The following TMEM260 variants were observed in gnomAD, a reference collection of about 807,000 sequenced individuals.
The protein encoded by TMEM260 is transmembrane protein 260.
In TMEM260, 82 loss-of-function variants were observed where a neutral mutation model predicts 88.9. The observed-to-expected ratio is 0.92, with a 90% CI of 0.77 to 1.11. The LOEUF (loss-of-function observed/expected upper bound fraction) is 1.11, where lower values mean the gene tolerates loss of function less well. Ranked by LOEUF, TMEM260 falls within the 50% of genes least tolerant of loss-of-function variation. TMEM260 has a pLI of 0.00. For synonymous variants in TMEM260, 314 were observed against 309.3 expected (o/e 1.02, Z -0.16); for missense variants, 902 against 853.4 (o/e 1.06, Z -0.71).
Position 56,648,692 on chromosome 14 carries a change from G to C in TMEM260, c.*1195G>C, listed in dbSNP as rs1260605861. The C allele has an allele frequency of 6.6e-6, 1 of 152,624 alleles. No individual in the cohort carries two copies. The highest frequency in any genetic ancestry group is 1.5e-5 in the Non-Finnish European group (1 of 68,050). 9.5% of individuals were successfully genotyped at this position (152,624 alleles called of 1,614,324 possible). On this transcript the variant is annotated 3_prime_UTR_variant, in exon 16 of 16. Coordinates refer to ENST00000261556, the MANE Select transcript of TMEM260 (RefSeq NM_017799.4). ...CAAAGGTCTCCTGTGGAGCTTGCAT[G>C]GTTCCCTTTCATACTACGACCATAA...
rs74848235 is a variant in TMEM260 at position 56,629,939 on chromosome 14, G to C, written c.1548-3056G>C. Among the ~76,000 whole-genome samples the C allele has an allele frequency of 9.7e-3, 1,469 of 152,170 alleles. 47 individuals carry two copies. The East Asian group carries it at 0.099, about 10-fold the overall frequency. ...ACCTGTGGTCCCAACTACTTGGGCA[G>C]CTGAGGTGGGAAGATTGTTTGAATG... On this transcript the variant is annotated intron_variant, in intron 12 of 15. Transcript: ENST00000261556.
chr14:56,647,165 C>T, intron 15 of TMEM260, 78 bp from the exon 16 acceptor site: 20 of 1,459,160 alleles, frequency 1.4e-5, no homozygotes, highest in Admixed American at 2.4e-5. Flanking sequence ...GTTATTAATT[C>T]CTCTGTGTTT....
In TMEM260 at chr14:56,603,763, AAGTT is replaced by A. The variant is rs1198790693; in HGVS notation, c.345-47_345-44del. The A allele has an allele frequency of 1.5e-5, 24 of 1,605,064 alleles. No homozygotes were observed. The Admixed American group carries it at 1.7e-4, about 11-fold the overall frequency. On this transcript the variant is annotated intron_variant, in intron 3 of 15. Transcript: ENST00000261556. Reference sequence around the variant, plus strand: ...GGTACAGTTTACCAAAAGGAAAATAAAGTTAGTTCTTTTTGTTGGAAAAGAAGAT... The same window carrying A: ...GGTACAGTTTACCAAAAGGAAAATAAAGTTCTTTTTGTTGGAAAAGAAGAT...
intron 3 of TMEM260, among the ~76,000 whole-genome samples, chr14:56,596,612 A>G (rs970201480): frequency 1.3e-5 from 2 of 150,282 alleles, no homozygotes; most frequent in Admixed American, 6.6e-5. Flanking sequence ...AAAAATACAA[A>G]ATTAGCCAGG....
chr14:56,605,546 T>A (rs1307568979), intron 4 of TMEM260, 24 bp from the exon 5 acceptor site: 2 of 967,524 alleles, frequency 2.1e-6, no homozygotes, highest in African/African-American at 3.4e-5. Context: ...TTTTACTTAA[T>A]TTTTTTTTTT....
intron 1 of TMEM260, among the ~76,000 whole-genome samples, chr14:56,582,305 C>T (rs1268667810): frequency 6.6e-6 from 1 of 152,042 alleles, no homozygotes; most frequent in African/African-American, 2.4e-5. Context: ...TTTTTTGTAC[C>T]ACTTGACACA....
rs542316904 is a variant in TMEM260, at chr14:56,614,284, G to A, written c.858-1660G>A. Among the ~76,000 whole-genome samples, 273 of 151,340 alleles carry A rather than the reference G, an allele frequency of 1.8e-3. 2 individuals are homozygous for A. Among genetic ancestry groups the A allele is most frequent in the African/African-American group, 6.5e-3 (268 of 41,222 alleles). ...AGTTGCAGCTACTCAGGAGGCTGAGGTGAGAGGATCGCTTGAGCCCAGGAG... is the reference window on the plus strand; with the variant it reads ...AGTTGCAGCTACTCAGGAGGCTGAGATGAGAGGATCGCTTGAGCCCAGGAG... On this transcript the variant is annotated intron_variant, in intron 7 of 15. Coordinates refer to ENST00000261556, the MANE Select transcript of TMEM260 (RefSeq NM_017799.4).
In TMEM260 at chr14:56,614,486, A is replaced by G. The variant is rs373903101; in HGVS notation, c.858-1458A>G. Among the ~76,000 whole-genome samples the G allele has an allele frequency of 1.1e-3, 162 of 152,298 alleles. 1 individual carries two copies. Among genetic ancestry groups the G allele is most frequent in the African/African-American group, 3.0e-3 (124 of 41,564 alleles). On this transcript the variant is annotated intron_variant, in intron 7 of 15. Coordinates refer to ENST00000261556, the MANE Select transcript of TMEM260 (RefSeq NM_017799.4). Reference sequence around the variant, plus strand: ...AAGGACTCACTGCCTGCTCTTTTCTATCTACCTTCCAGAGATTGTTACAGC... The same window carrying G: ...AAGGACTCACTGCCTGCTCTTTTCTGTCTACCTTCCAGAGATTGTTACAGC...
chr14:56,638,803 G>A (rs1268645037), intron 15 of TMEM260, among the ~76,000 whole-genome samples: 1 of 151,982 alleles, frequency 6.6e-6, no homozygotes. Context: ...AGCAGGGCAG[G>A]GCGTAGGCAA....
intron 15 of TMEM260, among the ~76,000 whole-genome samples, chr14:56,643,996 G>C (rs1889784720): frequency 6.6e-6 from 1 of 152,012 alleles, no homozygotes; most frequent in Admixed American, 6.6e-5. Context: ...ACTGCTCAAG[G>C]AAATAAAAGA....
At chr14:56,643,244 G>A (rs1035108800) in intron 15 of TMEM260, among the ~76,000 whole-genome samples, 1 of 152,178 alleles carries the variant, frequency 6.6e-6, no homozygotes, top group Non-Finnish European at 1.5e-5. Flanking sequence ...GATGAACATT[G>A]ATGCAAAAAT....
At chr14:56,628,311 GGT>G (rs2139614345) in intron 12 of TMEM260, among the ~76,000 whole-genome samples, 1 of 152,222 alleles carries the variant, frequency 6.6e-6, no homozygotes, top group African/African-American at 2.4e-5. Flanking sequence ...TTATATTCTA[GGT>G]ACGCAACCTC....
intron 7 of TMEM260, chr14:56,613,586 G>A (rs989828903): frequency 7.3e-5 from 11 of 151,568 alleles, no homozygotes; most frequent in Admixed American, 7.2e-4. Context: ...TGTTTTATTA[G>A]CCTGCTGTTT....
At chr14:56,630,690 A>G (rs889767994) in intron 12 of TMEM260, among the ~76,000 whole-genome samples, 2 of 152,154 alleles carry the variant, frequency 1.3e-5, no homozygotes, top group Admixed American at 6.5e-5. Flanking sequence ...ATAGACATCT[A>G]TTGATTGTTT....
At chr14:56,628,956 C>T (rs1046763320) in intron 12 of TMEM260, among the ~76,000 whole-genome samples, 1 of 151,252 alleles carries the variant, frequency 6.6e-6, no homozygotes, top group Admixed American at 6.6e-5. Context: ...AGTACAGTGG[C>T]ACAATCTTGG....
intron 15 of TMEM260, among the ~76,000 whole-genome samples, chr14:56,645,960 T>C (rs1484857936): frequency 6.6e-6 from 1 of 152,248 alleles, no homozygotes; most frequent in Non-Finnish European, 1.5e-5. Context: ...TTTCTTTCTT[T>C]TTTATTTTTT....
chr14:56,642,920 G>A (rs755646352), intron 15 of TMEM260, among the ~76,000 whole-genome samples: 3 of 152,130 alleles, frequency 2.0e-5, no homozygotes, highest in African/African-American at 4.8e-5. Context: ...TAGAAGAAAT[G>A]GATAAATTCC....
chr14:56,654,126 C>T (rs1890258586), downstream of TMEM260, among the ~76,000 whole-genome samples: 1 of 152,202 alleles, frequency 6.6e-6, no homozygotes, highest in Admixed American at 6.5e-5. Context: ...TTCAACCCTC[C>T]AGAATGTAAT....
intron 3 of TMEM260, among the ~76,000 whole-genome samples, chr14:56,590,514 C>T (rs1050786452): frequency 6.6e-6 from 1 of 152,226 alleles, no homozygotes; most frequent in African/African-American, 2.4e-5. Context: ...TGAGGAAGAG[C>T]TCAATCTCCA....
Sources: allele counts gnomAD v4.1 joint callset (sites outside exome capture counted in the v4.1 genomes callset), GRCh38; gene constraint gnomAD v4.1.1; transcripts MANE v1.5; gene names NCBI Gene and HGNC (gene_info 2026-07-23, HGNC 2026-07-21).